C7orf33: variants seen among roughly 807,000 people sequenced by gnomAD.
C7orf33 encodes chromosome 7 open reading frame 33.
C7orf33 carries 15 observed loss-of-function variants against 13.4 expected under a neutral mutation model. The ratio of observed to expected loss-of-function variants is 1.12; its 90% CI spans 0.75 to 1.72. The LOEUF is 1.72. Among genes scored for constraint, C7orf33 ranks in the 40% most tolerant of loss-of-function variants. The pLI, the probability that C7orf33 is intolerant of heterozygous loss-of-function variation, is 0.00. For missense variants in C7orf33, 187 were observed against 220.3 expected, an observed-to-expected ratio of 0.85 and a Z score of 0.96; for synonymous variants, 73 against 83.2, an observed-to-expected ratio of 0.88 and a Z score of 0.67.
intron 1 of C7orf33, among the ~76,000 whole-genome samples, chr7:148,606,920 T>C (rs1485440456): frequency 1.9e-5 from 1 of 52,836 alleles, no homozygotes; most frequent in Non-Finnish European, 5.5e-5. Flanking sequence ...ATAGACCCCA[T>C]TTAAAAAAAA....
intron 1 of C7orf33, among the ~76,000 whole-genome samples, chr7:148,592,904 G>T (rs899342370): frequency 6.6e-6 from 1 of 151,246 alleles, no homozygotes; most frequent in African/African-American, 2.4e-5. Context: ...GCAATGGCAC[G>T]ATCTCAGCTC....
chr7:148,605,583 G>T (rs537782277), intron 1 of C7orf33, among the ~76,000 whole-genome samples: 1 of 152,302 alleles, frequency 6.6e-6, no homozygotes, highest in South Asian at 2.1e-4. Context: ...TTTTGAATGT[G>T]GTTTGCAGTT....
intron 1 of C7orf33, among the ~76,000 whole-genome samples, chr7:148,604,333 G>T (rs1796450010): frequency 6.6e-6 from 1 of 151,978 alleles, no homozygotes; most frequent in Non-Finnish European, 1.5e-5. Context: ...CACCATGTCG[G>T]CCAGGCTGGT....
At chr7:148,613,662 G>A (rs1159657760) in intron 1 of C7orf33, among the ~76,000 whole-genome samples, 1 of 152,150 alleles carries the variant, frequency 6.6e-6, no homozygotes, top group Non-Finnish European at 1.5e-5. Context: ...GAGACTTAGG[G>A]AGAAATGGGG....
At chr7:148,605,546 G>A (rs375435211) in intron 1 of C7orf33, among the ~76,000 whole-genome samples, 2 of 152,156 alleles carry the variant, frequency 1.3e-5, no homozygotes, top group African/African-American at 4.8e-5. Flanking sequence ...CTTCACCCCG[G>A]CAGCAGCACT....
chr7:148,600,871 C>T (rs1796405682), intron 1 of C7orf33, among the ~76,000 whole-genome samples: 2 of 141,006 alleles, frequency 1.4e-5, no homozygotes, highest in South Asian at 2.2e-4. Flanking sequence ...GGCGTGATCT[C>T]GGCTCACTGC....
intron 2 of C7orf33, among the ~76,000 whole-genome samples, chr7:148,614,934 A>G (rs1263213299): frequency 6.6e-6 from 1 of 152,248 alleles, no homozygotes; most frequent in Non-Finnish European, 1.5e-5. Flanking sequence ...TGCATGGAAA[A>G]TGCTAAAGTT....
chr7:148,594,175 T>TC (rs1350035153), intron 1 of C7orf33, among the ~76,000 whole-genome samples: 5 of 149,456 alleles, frequency 3.3e-5, no homozygotes, highest in Admixed American at 6.6e-5. Context: ...TCTTTTCTTT[T>TC]TTTTTTTTTT....
At chr7:148,592,229 C>T (rs1213326039) in intron 1 of C7orf33, among the ~76,000 whole-genome samples, 1 of 152,180 alleles carries the variant, frequency 6.6e-6, no homozygotes, top group Admixed American at 6.5e-5. Context: ...GCAGCATGAA[C>T]TGCAGGGTCA....
intron 1 of C7orf33, among the ~76,000 whole-genome samples, chr7:148,612,264 C>T (rs1796552340): frequency 6.6e-6 from 1 of 152,064 alleles, no homozygotes; most frequent in African/African-American, 2.4e-5. Context: ...CTTATTTCCT[C>T]ATCTTCTAAG....
At chr7:148,604,120 CTT>C (rs397686514) in intron 1 of C7orf33, among the ~76,000 whole-genome samples, 5 of 141,632 alleles carry the variant, frequency 3.5e-5, no homozygotes, top group Middle Eastern at 3.3e-3. Context: ...GACCATTATT[CTT>C]TTTTTTTTTT....
At position 148,612,297 on chromosome 7, in the gene C7orf33, C is replaced by T. The variant is rs141929666; in HGVS notation, c.205-1745C>T. Among the ~76,000 whole-genome samples, 454 of 152,122 alleles carry T rather than the reference C, an allele frequency of 3.0e-3. 3 individuals carry two copies. The highest frequency in any genetic ancestry group is 0.01 in the African/African-American group (431 of 41,494). ...AAGTGTGGCATTAATAATGAACTTC[C>T]CATCAGATCTATAAGTTGAAACTCT... is the stretch of plus-strand genomic sequence containing the variant. On this transcript the variant is annotated intron_variant, in intron 1 of 2. Coordinates refer to ENST00000307003, the MANE Select transcript of C7orf33 (RefSeq NM_145304.4).
At chr7:148,596,784 A>G (rs941565827) in intron 1 of C7orf33, among the ~76,000 whole-genome samples, 9 of 152,008 alleles carry the variant, frequency 5.9e-5, no homozygotes, top group Admixed American at 2.6e-4. Context: ...TCTGTGCTCC[A>G]TCTGTTCCTC....
chr7:148,614,204 G>C lies in C7orf33; in HGVS notation c.367G>C (p.Asp123His), dbSNP rs762234030. 1 of 1,614,064 alleles carries C rather than the reference G, an allele frequency of 6.2e-7. No homozygotes were observed. Among genetic ancestry groups the C allele is most frequent in the East Asian group, 2.2e-5 (1 of 44,896 alleles). Residue 123 changes from aspartate (D) to histidine (H), a missense_variant, in exon 2 of 3, where the codon GAT becomes CAT. Coordinates refer to ENST00000307003, the MANE Select transcript of C7orf33 (RefSeq NM_145304.4). ...RPGTRMGLSS[D>H]PVVGTLSSSY... ...AGGCACCAGGATGGGCTTGTCCTCA[G>C]ATCCAGTTGTCGGCACCTTGTCTTC...
chr7:148,594,320 C>A (rs1467140526), intron 1 of C7orf33, among the ~76,000 whole-genome samples: 1 of 152,048 alleles, frequency 6.6e-6, no homozygotes, highest in African/African-American at 2.4e-5. Context: ...GGACTACAGG[C>A]ATCCGCCTCC....
At chr7:148,593,938 C>T (rs1373889853) in intron 1 of C7orf33, among the ~76,000 whole-genome samples, 2 of 152,120 alleles carry the variant, frequency 1.3e-5, no homozygotes, top group Non-Finnish European at 2.9e-5. Flanking sequence ...AATAGTTTAG[C>T]GCCATCCTCT....
At chr7:148,612,238 T>G (rs948371571) in intron 1 of C7orf33, among the ~76,000 whole-genome samples, 1 of 152,234 alleles carries the variant, frequency 6.6e-6, no homozygotes, top group Admixed American at 6.5e-5. Context: ...TTTTCTTATT[T>G]CTTGGTTCTA....
At chr7:148,592,359 G>C (rs1796280163) in intron 1 of C7orf33, among the ~76,000 whole-genome samples, 1 of 152,172 alleles carries the variant, frequency 6.6e-6, no homozygotes, top group South Asian at 2.1e-4. Context: ...GGGGTACTTT[G>C]ATGTGAACCA....
intron 1 of C7orf33, among the ~76,000 whole-genome samples, chr7:148,609,913 T>A (rs1208867073): frequency 6.6e-6 from 1 of 152,108 alleles, no homozygotes; most frequent in Non-Finnish European, 1.5e-5. Context: ...GAGCTTGAAA[T>A]GGCTAAGTTA....
Sources: allele counts gnomAD v4.1 joint callset (sites outside exome capture counted in the v4.1 genomes callset), GRCh38; gene constraint gnomAD v4.1.1; transcripts MANE v1.5; gene names NCBI Gene and HGNC (gene_info 2026-07-23, HGNC 2026-07-21).